Variants in SLC2A14 observed in about 807,000 individuals in gnomAD.
SLC2A14 encodes solute carrier family 2 member 14.
In SLC2A14, 13 loss-of-function variants were observed where a neutral mutation model predicts 43.0. The ratio of observed to expected loss-of-function variants is 0.30; its 90% CI spans 0.20 to 0.48. The LOEUF (loss-of-function observed/expected upper bound fraction) is 0.48, where lower values mean the gene tolerates loss of function less well. SLC2A14 is among the 20% of genes least tolerant of loss of function. SLC2A14 has a pLI of 0.99. For synonymous variants in SLC2A14, 190 were observed against 233.8 expected (o/e 0.81, Z 1.71); for missense variants, 428 against 620.4 (o/e 0.69, Z 3.29).
chr12:7,866,269 C>T lies in SLC2A14; in HGVS notation c.18+3594G>A, dbSNP rs772899976. 8.0e-5 allele frequency among the ~76,000 whole-genome samples: 12 copies of T among 150,286 alleles called. No individual in the cohort carries two copies. The East Asian group carries it at 2.0e-3, about 25-fold the overall frequency. On this transcript the variant is annotated intron_variant, in intron 2 of 10. Coordinates refer to ENST00000431042, the MANE Select transcript of SLC2A14 (RefSeq NM_001286234.2). ...AAAAGAAAGTGAAACAGATGTATTGCTGATATGGAGAAAGTTTTAGTGGTC... is the reference window on the plus strand; with the variant it reads ...AAAAGAAAGTGAAACAGATGTATTGTTGATATGGAGAAAGTTTTAGTGGTC...
intron 5 of SLC2A14, 121 bp downstream of exon 5, chr12:7,829,645 T>C: frequency 7.3e-7 from 1 of 1,370,068 alleles, no homozygotes; most frequent in Non-Finnish European, 9.9e-7. Context: ...TACTATCTAT[T>C]ATCTAAAACT....
chr12:7,863,189 A>G (rs2215712), intron 2 of SLC2A14, among the ~76,000 whole-genome samples: 89,174 of 151,904 alleles, frequency 0.59, 26,290 homozygotes, highest in Middle Eastern at 0.65. Flanking sequence ...AGGCCACCGG[A>G]AGGAACGAAC....
At chr12:7,868,899 C>A (rs1018868836) in intron 2 of SLC2A14, among the ~76,000 whole-genome samples, 1 of 151,898 alleles carries the variant, frequency 6.6e-6, no homozygotes, top group Non-Finnish European at 1.5e-5. Context: ...AATCCCAGCA[C>A]TTTGGGAGGC....
At chr12:7,851,962 A>T (rs932813593) in intron 2 of SLC2A14, among the ~76,000 whole-genome samples, 4 of 152,178 alleles carry the variant, frequency 2.6e-5, no homozygotes, top group Admixed American at 2.6e-4. Context: ...TGGTGACGGG[A>T]CAGTGACTTC....
intron 2 of SLC2A14, among the ~76,000 whole-genome samples, chr12:7,837,434 G>A (rs1354812069): frequency 6.6e-6 from 1 of 152,066 alleles, no homozygotes; most frequent in Non-Finnish European, 1.5e-5. Context: ...GAAGTTGGGA[G>A]TTCAAGACCA....
intron 2 of SLC2A14, among the ~76,000 whole-genome samples, chr12:7,854,346 A>G (rs1281072637): frequency 6.6e-6 from 1 of 152,104 alleles, no homozygotes; most frequent in Non-Finnish European, 1.5e-5. Flanking sequence ...TGTTACCTTT[A>G]TCTCCAAAAT....
chr12:7,882,556 T>G (rs978536698), intron 1 of SLC2A14, among the ~76,000 whole-genome samples: 17 of 151,950 alleles, frequency 1.1e-4, no homozygotes, highest in African/African-American at 3.9e-4. Flanking sequence ...GAGGCTAGCG[T>G]CGGCAGTGGC....
chr12:7,838,972 TGAG>T (rs934654295), intron 2 of SLC2A14, among the ~76,000 whole-genome samples: 2 of 150,882 alleles, frequency 1.3e-5, no homozygotes, highest in African/African-American at 4.9e-5. Flanking sequence ...GTGAAGACAC[TGAG>T]AAGACAGCCA....
At chr12:7,816,352 C>A (rs1360321551) in intron 10 of SLC2A14, among the ~76,000 whole-genome samples, 2 of 118,668 alleles carry the variant, frequency 1.7e-5, no homozygotes, top group Non-Finnish European at 3.5e-5. Context: ...GATCCACCCG[C>A]CTCGGCCTCC....
intron 2 of SLC2A14, chr12:7,839,781 G>A (rs888123145): frequency 2.2e-6 from 1 of 452,314 alleles, no homozygotes; most frequent in South Asian, 1.6e-5. Context: ...CCATACAGAA[G>A]GGGCTTCGGA....
chr12:7,872,031 T>A, intron 1 of SLC2A14: 1 of 405,958 alleles, frequency 2.5e-6, no homozygotes, highest in Non-Finnish European at 3.3e-6. Flanking sequence ...TAACTCAGAT[T>A]AATTCTTCTT....
intron 2 of SLC2A14, among the ~76,000 whole-genome samples, chr12:7,855,984 T>C (rs1455050707): frequency 1.3e-5 from 2 of 152,134 alleles, no homozygotes; most frequent in Non-Finnish European, 2.9e-5. Flanking sequence ...AAGTAGACTT[T>C]TAAAAAATCA....
At chr12:7,831,322 T>C (rs1008717622) in intron 4 of SLC2A14, 7 of 315,014 alleles carry the variant, frequency 2.2e-5, no homozygotes, top group Admixed American at 1.3e-4. Flanking sequence ...GGAAACCCCA[T>C]AGTTGAGCTT....
chr12:7,817,761 T>C (rs1171950279), intron 10 of SLC2A14, 70 bp downstream of exon 10: 2 of 1,454,622 alleles, frequency 1.4e-6, no homozygotes, highest in African/African-American at 1.4e-5. Flanking sequence ...TATAGATAGA[T>C]AGATAGATAG....
chr12:7,890,726 C>T (rs1012374324), intron 1 of SLC2A14: 4 of 216,828 alleles, frequency 1.8e-5, no homozygotes, highest in Non-Finnish European at 2.7e-5. Context: ...TTACCCTAGA[C>T]GCAATGGGAC....
rs188336556 is a variant in SLC2A14 at position 7,831,461 on chromosome 12, G to C, written c.272+143C>G. 681 of 1,258,128 alleles carry C rather than the reference G, an allele frequency of 5.4e-4. 1 individual carries two copies. Among genetic ancestry groups the C allele is most frequent in the Non-Finnish European group, 7.0e-4 (641 of 913,038 alleles). 77.9% of individuals were successfully genotyped at this position (1,258,128 alleles called of 1,614,324 possible). On this transcript the variant is annotated intron_variant, in intron 4 of 10. Transcript: ENST00000431042. ...GCTCCAAGCAAGGGCAGTCATATTC[G>C]GGGCCAGTTGGGCTAGTTTCCCTTG...
At chr12:7,863,253 C>T (rs536625253) in intron 2 of SLC2A14, 397 of 371,976 alleles carry the variant, frequency 1.1e-3, no homozygotes, top group Non-Finnish European at 2.0e-3. Flanking sequence ...AAGTCTGCAG[C>T]TTCACTCCTG....
At chr12:7,872,723 T>G (rs1945305149) in intron 1 of SLC2A14, 84 bp downstream of exon 1, 1 of 959,766 alleles carries the variant, frequency 1.0e-6, no homozygotes, top group African/African-American at 1.8e-5. Context: ...GCCGCCCACC[T>G]CTACTCTAGC....
chr12:7,814,676 AT>A, intron 10 of SLC2A14, 142 bp from the exon 11 acceptor site: 1 of 950,280 alleles, frequency 1.1e-6, no homozygotes. Context: ...TTCTTCAGAG[AT>A]TTACTTATGA....
Sources: allele counts gnomAD v4.1 joint callset (sites outside exome capture counted in the v4.1 genomes callset), GRCh38; gene constraint gnomAD v4.1.1; transcripts MANE v1.5; gene names NCBI Gene and HGNC (gene_info 2026-07-23, HGNC 2026-07-21).